Variants in CNTN1 observed in about 807,000 individuals in gnomAD.
CNTN1 encodes the protein contactin-1.
A neutral mutation model predicts 126.4 loss-of-function variants in CNTN1; 38 were observed. The ratio of observed to expected loss-of-function variants is 0.30; its 90% CI spans 0.23 to 0.39. The LOEUF (loss-of-function observed/expected upper bound fraction) is 0.39. CNTN1 is among the 10% of genes least tolerant of loss of function. The pLI is 1.00. For missense variants in CNTN1, 1,009 were observed against 1,248.4 expected, an observed-to-expected ratio of 0.81 and a Z score of 2.89; for synonymous variants, 413 against 422.6, an observed-to-expected ratio of 0.98 and a Z score of 0.28.
At chr12:40,879,592 G>T (rs904671305) in intron 1 of CNTN1, among the ~76,000 whole-genome samples, 5 of 152,050 alleles carry the variant, frequency 3.3e-5, no homozygotes, top group South Asian at 2.1e-4. Context: ...AAAATCAAGG[G>T]TCTAGTATTA....
chr12:40,970,841 G>A (rs147777609), intron 15 of CNTN1, among the ~76,000 whole-genome samples: 189 of 152,218 alleles, frequency 1.2e-3, no homozygotes, highest in African/African-American at 3.2e-3. Flanking sequence ...TAAGCCTCAA[G>A]TTCCATATTT....
chr12:41,054,893 C>A (rs1361499131), intron 23 of CNTN1, among the ~76,000 whole-genome samples: 1 of 152,072 alleles, frequency 6.6e-6, no homozygotes, highest in Non-Finnish European at 1.5e-5. Flanking sequence ...GGTCAATGAA[C>A]AGTATGTCAT....
intron 1 of CNTN1, among the ~76,000 whole-genome samples, chr12:40,797,640 A>G (rs1175866900): frequency 6.6e-6 from 1 of 152,078 alleles, no homozygotes; most frequent in Non-Finnish European, 1.5e-5. Flanking sequence ...GACATTGAGA[A>G]TATTCTTCTA....
intron 1 of CNTN1, among the ~76,000 whole-genome samples, chr12:40,831,444 C>A (rs1034858342): frequency 6.6e-6 from 1 of 151,962 alleles, no homozygotes; most frequent in Non-Finnish European, 1.5e-5. Context: ...TCACAGAAAA[C>A]TTTTGCAAGT....
At chr12:40,921,692 T>C (rs1345015103) in intron 4 of CNTN1, among the ~76,000 whole-genome samples, 1 of 152,206 alleles carries the variant, frequency 6.6e-6, no homozygotes. Context: ...TGTATATTTG[T>C]GGCTCGGAAT....
At chr12:40,700,031 G>A (rs369435120) in intron 1 of CNTN1, among the ~76,000 whole-genome samples, 17 of 152,124 alleles carry the variant, frequency 1.1e-4, no homozygotes, top group Admixed American at 9.2e-4. Context: ...AGTAATCTGA[G>A]AAGAAACCAG....
chr12:41,057,093 A>AATATTTAGATATTTATAAATATT lies in CNTN1; in HGVS notation c.2981-12818_2981-12796dup, dbSNP rs1403513833. 5.4e-3 allele frequency among the ~76,000 whole-genome samples: 673 copies of AATATTTAGATATTTATAAATATT among 123,612 alleles called. 5 individuals carry two copies. The highest frequency in any genetic ancestry group is 6.5e-3 in the Non-Finnish European group (377 of 58,442). The allele number at this position is 123,612 out of a possible 152,430, so 81.1% of individuals were successfully genotyped here. On this transcript the variant is annotated intron_variant, in intron 23 of 23. Transcript: ENST00000551295. ...TATTTAGATATTTATAAATATTATA[A>AATATTTAGATATTTATAAATATT]ATATTTAGATATTTATAAATATTAT... is the stretch of plus-strand genomic sequence containing the variant.
intron 15 of CNTN1, among the ~76,000 whole-genome samples, chr12:40,968,065 T>C (rs1947370989): frequency 6.6e-6 from 1 of 151,604 alleles, no homozygotes; most frequent in South Asian, 2.1e-4. Context: ...TGTATTATAT[T>C]CATTTTACAC....
intron 23 of CNTN1, among the ~76,000 whole-genome samples, chr12:41,041,865 A>G (rs1949420642): frequency 6.6e-6 from 1 of 152,082 alleles, no homozygotes; most frequent in African/African-American, 2.4e-5. Context: ...TCAAAAAACT[A>G]GCTCCTGGGG....
rs192543230 is a variant in CNTN1 at position 40,918,506 on chromosome 12, G to T, written c.95-133G>T. ...TGATGTTTGGCTCAGTATTATGGAGGCAAATATCTTTGTTTTGAATTAAAA... is the reference window on the plus strand; with the variant it reads ...TGATGTTTGGCTCAGTATTATGGAGTCAAATATCTTTGTTTTGAATTAAAA... On this transcript the variant is annotated intron_variant, in intron 3 of 23. Coordinates refer to ENST00000551295, the MANE Select transcript of CNTN1 (RefSeq NM_001843.4). 3.1e-5 allele frequency: 24 copies of T among 779,590 alleles called. No homozygotes were observed. In the African/African-American group the frequency reaches 4.0e-4, roughly 13 times the overall value. 48.3% of individuals were successfully genotyped at this position (779,590 alleles called of 1,614,324 possible).
At chr12:40,838,401 C>T (rs1446411679) in intron 1 of CNTN1, among the ~76,000 whole-genome samples, 1 of 152,324 alleles carries the variant, frequency 6.6e-6, no homozygotes, top group Admixed American at 6.5e-5. Flanking sequence ...TACCCAATGT[C>T]CAAGTATCTG....
chr12:41,036,046 A>G (rs1441709416), intron 23 of CNTN1, among the ~76,000 whole-genome samples: 1 of 152,160 alleles, frequency 6.6e-6, no homozygotes, highest in Non-Finnish European at 1.5e-5. Flanking sequence ...AGAGCTAGTG[A>G]AAAGAAAGCA....
intron 1 of CNTN1, among the ~76,000 whole-genome samples, chr12:40,773,987 A>G (rs1054146804): frequency 2.0e-5 from 3 of 151,370 alleles, no homozygotes; most frequent in Non-Finnish European, 3.0e-5. Flanking sequence ...TTTAAGCTCA[A>G]CGACGGAAAA....
chr12:40,802,961 TA>T (rs1263526924), intron 1 of CNTN1, among the ~76,000 whole-genome samples: 2 of 152,002 alleles, frequency 1.3e-5, no homozygotes, highest in Non-Finnish European at 2.9e-5. Context: ...AGTATTTTAC[TA>T]GTAAAGCCAT....
At chr12:40,911,653 T>C (rs1945041752) in intron 3 of CNTN1, among the ~76,000 whole-genome samples, 1 of 152,326 alleles carries the variant, frequency 6.6e-6, no homozygotes, top group South Asian at 2.1e-4. Flanking sequence ...GCTTCCTACT[T>C]AACCGGCTGG....
chr12:41,014,397 C>A, intron 18 of CNTN1, 99 bp downstream of exon 18: 1 of 1,177,890 alleles, frequency 8.5e-7, no homozygotes, highest in Non-Finnish European at 1.3e-6. Context: ...AAAGTGACTG[C>A]CTACTGCACA....
At chr12:40,852,243 C>T (rs1032178556) in intron 1 of CNTN1, among the ~76,000 whole-genome samples, 6 of 152,102 alleles carry the variant, frequency 3.9e-5, no homozygotes, top group Non-Finnish European at 8.8e-5. Context: ...CTGTCAGACC[C>T]GATCAAATTA....
At chr12:40,717,170 C>A (rs1371245246) in intron 1 of CNTN1, among the ~76,000 whole-genome samples, 4 of 152,052 alleles carry the variant, frequency 2.6e-5, no homozygotes, top group Non-Finnish European at 1.5e-5. Context: ...AGATCAAAAC[C>A]TGAACCCAGT....
intron 1 of CNTN1, among the ~76,000 whole-genome samples, chr12:40,833,001 A>G (rs1312838807): frequency 6.6e-6 from 1 of 151,680 alleles, no homozygotes; most frequent in African/African-American, 2.4e-5. Context: ...GTTCTTCTCC[A>G]TGTTGCTCCT....
Sources: gnomAD v4.1 joint callset for allele counts (sites outside exome capture counted in the v4.1 genomes callset) on GRCh38, gnomAD v4.1.1 for gene constraint, MANE v1.5 for transcripts, NCBI Gene and HGNC (gene_info 2026-07-23, HGNC 2026-07-21) for gene names.